Variants in BDNF observed in about 807,000 individuals in gnomAD.
The protein encoded by BDNF is neurotrophic factor BDNF precursor form.
A neutral mutation model predicts 19.5 loss-of-function variants in BDNF; 1 was observed. The observed-to-expected ratio is 0.05, with a 90% CI of 0.02 to 0.24. The LOEUF (loss-of-function observed/expected upper bound fraction) is 0.24. Among genes scored for constraint, BDNF ranks in the 10% least tolerant of loss-of-function variants. The pLI is 1.00. For missense variants in BDNF, 195 were observed against 317.6 expected, an observed-to-expected ratio of 0.61 and a Z score of 2.93; for synonymous variants, 100 against 121.6, an observed-to-expected ratio of 0.82 and a Z score of 1.17.
intron 1 of BDNF, among the ~76,000 whole-genome samples, chr11:27,667,082 T>G (rs1854481004): frequency 1.3e-5 from 2 of 152,204 alleles, no homozygotes; most frequent in South Asian, 4.1e-4. Context: ...GCAGAAACTC[T>G]ACAAGCCAGA....
At chr11:27,676,110 C>T (rs1427692713) in intron 1 of BDNF, 4 of 152,198 alleles carry the variant, frequency 2.6e-5, no homozygotes, top group Non-Finnish European at 5.9e-5. Context: ...GAGAACAAAA[C>T]TGGAAATGTC....
At chr11:27,719,167 G>A (rs1860646724) in intron 1 of BDNF, among the ~76,000 whole-genome samples, 1 of 152,132 alleles carries the variant, frequency 6.6e-6, no homozygotes, top group South Asian at 2.1e-4. Flanking sequence ...GTAGAACACA[G>A]GTCTGGGCGG....
At chr11:27,674,137 G>A in intron 1 of BDNF, 2 of 1,611,714 alleles carry the variant, frequency 1.2e-6, no homozygotes, top group African/African-American at 1.3e-5. Context: ...CCCTTCTTCT[G>A]GGATGCACAG....
At chr11:27,697,677 T>C (rs1157319324) in intron 1 of BDNF, 1 of 152,198 alleles carries the variant, frequency 6.6e-6, no homozygotes, top group Non-Finnish European at 1.5e-5. Flanking sequence ...GAAAAGACAC[T>C]GAAACAGATT....
At chr11:27,715,494 T>G (rs1860477673) in intron 1 of BDNF, among the ~76,000 whole-genome samples, 1 of 152,248 alleles carries the variant, frequency 6.6e-6, no homozygotes, top group African/African-American at 2.4e-5. Context: ...AGAGTCCTGC[T>G]TTCTTTGAGT....
At chr11:27,693,452 T>G (rs186752112) in intron 1 of BDNF, among the ~76,000 whole-genome samples, 1 of 152,362 alleles carries the variant, frequency 6.6e-6, no homozygotes, top group African/African-American at 2.4e-5. Flanking sequence ...ATGATCCAGA[T>G]TCTATCATTC....
At chr11:27,684,736 C>G (rs1015078863) in intron 1 of BDNF, among the ~76,000 whole-genome samples, 5 of 152,200 alleles carry the variant, frequency 3.3e-5, no homozygotes, top group Non-Finnish European at 7.3e-5. Flanking sequence ...AGCCTTGCAT[C>G]CCAGGGATGA....
At chr11:27,663,365 G>A (rs1034026576) in intron 1 of BDNF, among the ~76,000 whole-genome samples, 3 of 152,202 alleles carry the variant, frequency 2.0e-5, no homozygotes, top group Admixed American at 6.5e-5. Context: ...TAGCCCCACT[G>A]TCAGGAAATT....
chr11:27,708,388 T>G (rs1264454905), intron 1 of BDNF, among the ~76,000 whole-genome samples: 1 of 152,210 alleles, frequency 6.6e-6, no homozygotes, highest in Non-Finnish European at 1.5e-5. Context: ...TAAAAATAAG[T>G]TGAATTCCAT....
Position 27,657,302 on chromosome 11 carries a change from C to T in BDNF, c.*519G>A. On this transcript the variant is annotated 3_prime_UTR_variant, in exon 2 of 2. Coordinates refer to ENST00000356660, the MANE Select transcript of BDNF (RefSeq NM_001709.5). This position sits in a 1 kb window ranked among gnomAD's most constrained non-coding sequence, Gnocchi z 5.0. ...TACCCCCCATCCCCCATCCCCTAAGCCAGTAAAGCAATGACAACAGCACCT... is the reference window on the plus strand; with the variant it reads ...TACCCCCCATCCCCCATCCCCTAAGTCAGTAAAGCAATGACAACAGCACCT... The T allele has an allele frequency of 1.0e-6, 1 of 989,154 alleles. No individual in the cohort carries two copies. The highest frequency in any genetic ancestry group is 1.1e-4 in the East Asian group (1 of 8,924). The allele number at this position is 989,154 out of a possible 1,614,324, so 61.3% of individuals were successfully genotyped here.
intron 1 of BDNF, chr11:27,674,732 A>G: frequency 2.0e-6 from 2 of 984,296 alleles, no homozygotes; most frequent in Non-Finnish European, 2.4e-6. Flanking sequence ...TTTTCACTAA[A>G]CACTGATTCC....
chr11:27,720,345 C>A, intron 1 of BDNF: 1 of 985,898 alleles, frequency 1.0e-6, no homozygotes, highest in Non-Finnish European at 1.2e-6. Context: ...CTGGTGCTTA[C>A]CTTCTTTGCG....
intron 1 of BDNF, among the ~76,000 whole-genome samples, chr11:27,714,663 T>A (rs545608429): frequency 6.6e-6 from 1 of 152,296 alleles, no homozygotes; most frequent in South Asian, 2.1e-4. Context: ...AAATTTGCGG[T>A]ACCCACCCAG....
intron 1 of BDNF, among the ~76,000 whole-genome samples, chr11:27,666,605 A>G (rs938961305): frequency 5.9e-5 from 9 of 152,244 alleles, no homozygotes; most frequent in African/African-American, 1.7e-4. Flanking sequence ...GCTGAAAACC[A>G]TGGCACGAGA....
chr11:27,701,222 G>C, upstream of BDNF: 4 of 1,186,402 alleles, frequency 3.4e-6, no homozygotes, highest in Non-Finnish European at 4.3e-6. Context: ...GGCAATGACA[G>C]ACCTCGCTAA....
intron 1 of BDNF, among the ~76,000 whole-genome samples, chr11:27,711,535 A>G (rs1310345282): frequency 6.6e-6 from 1 of 152,212 alleles, no homozygotes; most frequent in Non-Finnish European, 1.5e-5. Flanking sequence ...CCATCTGATA[A>G]TGGGAGACCC....
Position 27,700,404 on chromosome 11 carries a change from G to T in BDNF, c.-262C>A, listed in dbSNP as rs1031935665. On this transcript the variant is annotated 5_prime_UTR_variant, in exon 1 of 2. Coordinates refer to ENST00000356660, the MANE Select transcript of BDNF (RefSeq NM_001709.5). ...GGTGCGCGGGACAGCGAGCGGGCGG[G>T]TGCGCCCGGGCGCGGCGGCGGCAGC... 6.1e-6 allele frequency: 6 copies of T among 986,066 alleles called. No individual in the cohort carries two copies. Among genetic ancestry groups the T allele is most frequent in the South Asian group, 9.2e-5 (2 of 21,710 alleles). 61.1% of individuals were successfully genotyped at this position (986,066 alleles called of 1,614,324 possible).
In BDNF at chr11:27,655,606, A is replaced by G. The variant is rs1470941602; in HGVS notation, c.*2215T>C. The G allele has an allele frequency of 1.3e-5, 2 of 152,238 alleles. No homozygotes were observed. Among genetic ancestry groups the G allele is most frequent in the Non-Finnish European group, 2.9e-5 (2 of 68,048 alleles). The allele number at this position is 152,238 out of a possible 1,614,324, so 9.4% of individuals were successfully genotyped here. A position where few individuals can be genotyped will look rare whatever the true frequency, so the allele number is the denominator to read the frequency against. ...AAAGTCTTCCTTCTTTCAAAGAGGT[A>G]TTCAGATGGTACTGTGAAAGACTAG... On this transcript the variant is annotated 3_prime_UTR_variant, in exon 2 of 2. Transcript: ENST00000356660.
At chr11:27,699,967 G>A (rs2134082770) in intron 1 of BDNF, among the ~76,000 whole-genome samples, 197 bp downstream of exon 1, 1 of 152,200 alleles carries the variant, frequency 6.6e-6, no homozygotes, top group East Asian at 1.9e-4. Context: ...TTCCCTGGTG[G>A]TGCCGGCTGA....
Sources: allele counts gnomAD v4.1 joint callset (sites outside exome capture counted in the v4.1 genomes callset), GRCh38; gene constraint gnomAD v4.1.1; non-coding constraint Gnocchi (gnomAD v3.1); transcripts MANE v1.5; gene names NCBI Gene and HGNC (gene_info 2026-07-23, HGNC 2026-07-21).